The following ABCA13 variants were observed in gnomAD, a reference collection of about 807,000 sequenced individuals.
The protein encoded by ABCA13 is ATP-binding cassette sub-family A member 13.
In ABCA13, 476 loss-of-function variants were observed where a neutral mutation model predicts 478.7. That is an observed-to-expected ratio of 0.99 (90% CI 0.92 to 1.07). ABCA13 has a LOEUF of 1.07. Among genes scored for constraint, ABCA13 ranks in the 50% least tolerant of loss-of-function variants. ABCA13 has a pLI of 0.00. For missense variants in ABCA13, 6,060 were observed against 5,910.6 expected, an observed-to-expected ratio of 1.03 and a Z score of -0.83; for synonymous variants, 2,252 against 2,158.9, an observed-to-expected ratio of 1.04 and a Z score of -1.20.
At chr7:48,633,714 TAAA>T (rs202096204) in intron 59 of ABCA13, among the ~76,000 whole-genome samples, 3 of 134,230 alleles carry the variant, frequency 2.2e-5, no homozygotes, top group Non-Finnish European at 4.8e-5. Flanking sequence ...CTTTCTCTAC[TAAA>T]AAAAAAAAAA....
At chr7:48,392,754 G>A (rs775545934) in intron 38 of ABCA13, among the ~76,000 whole-genome samples, 1 of 152,132 alleles carries the variant, frequency 6.6e-6, no homozygotes, top group Non-Finnish European at 1.5e-5. Flanking sequence ...TAGGCAAGAG[G>A]TGGTGACAGC....
chr7:48,326,376 G>A (rs534511208), intron 27 of ABCA13, among the ~76,000 whole-genome samples: 19 of 152,304 alleles, frequency 1.2e-4, no homozygotes, highest in East Asian at 5.8e-4. Flanking sequence ...ATAACTAGCC[G>A]GCTGTAAATT....
intron 48 of ABCA13, among the ~76,000 whole-genome samples, chr7:48,491,459 A>G (rs1227484976): frequency 2.6e-5 from 4 of 152,154 alleles, no homozygotes; most frequent in African/African-American, 9.7e-5. Flanking sequence ...AAAATGAAAT[A>G]TTTCAGGGTC....
chr7:48,324,338 A>G (rs1013765413), intron 27 of ABCA13, among the ~76,000 whole-genome samples: 1 of 152,186 alleles, frequency 6.6e-6, no homozygotes, highest in Non-Finnish European at 1.5e-5. Flanking sequence ...TATGGATTAG[A>G]GTCCACCCCA....
Position 48,276,067 on chromosome 7 carries a change from C to T in ABCA13, c.6401C>T (p.Ala2134Val). 2 of 1,605,652 alleles carry T rather than the reference C, an allele frequency of 1.2e-6. No homozygotes were observed. The highest frequency in any genetic ancestry group is 1.1e-5 in the South Asian group (1 of 89,842). Reference protein sequence around the residue: ...LVTKNWLQEYANEDYSRMIET... With the variant: ...LVTKNWLQEYVNEDYSRMIET... ...ACAAAAAACTGGCTTCAGGAATATGCAAATGAGGATTACTCCAGAATGATA... is the reference window on the plus strand; with the variant it reads ...ACAAAAAACTGGCTTCAGGAATATGTAAATGAGGATTACTCCAGAATGATA... The change falls in exon 17 of 62, where the codon GCA (alanine) becomes GTA (valine). Residue 2134 changes from alanine (A) to valine (V), a missense_variant. This residue lies in a region of ABCA13 where 4,423 missense variants were observed against 4,309.1 expected (regional missense o/e 1.03). Transcript: ENST00000435803.
At chr7:48,200,960 C>T (rs1447797622) in intron 3 of ABCA13, among the ~76,000 whole-genome samples, 1 of 151,572 alleles carries the variant, frequency 6.6e-6, no homozygotes, top group African/African-American at 2.4e-5. Flanking sequence ...GCAGGTACCC[C>T]AAGTCCAGCG....
Position 48,219,337 on chromosome 7 carries a change from A to G in ABCA13, c.288-17A>G, listed in dbSNP as rs1786995138. 4 of 1,592,830 alleles carry G rather than the reference A, an allele frequency of 2.5e-6. No individual in the cohort carries two copies. The highest frequency in any genetic ancestry group is 1.2e-5 in the South Asian group (1 of 85,874). On this transcript the variant is annotated splice_polypyrimidine_tract_variant and intron_variant, in intron 3 of 61. Transcript: ENST00000435803. ...CTTGTTAAAGAGTTTCACTTGCAGT[A>G]TTTATTCTGTTTAAAGTTTGTCTAG...
At position 48,520,102 on chromosome 7, in the gene ABCA13, T is replaced by A; in HGVS notation, c.13859T>A (p.Leu4620His). 6.2e-7 allele frequency: 1 copy of A among 1,613,692 alleles called. No homozygotes were observed. The highest frequency in any genetic ancestry group is 2.2e-5 in the East Asian group (1 of 44,788). The change falls in exon 53 of 62, where the codon CTT becomes CAT. Residue 4620 changes from leucine to histidine, a missense_variant. By Grantham distance (99) the Leu-to-His change is moderately conservative (BLOSUM62 -3). This residue lies in a region of ABCA13 where 1,627 missense variants were observed against 1,571.0 expected (regional missense o/e 1.04). Transcript: ENST00000435803. Reference sequence around the variant, plus strand: ...TTTACTATTTTTCCTCAATTCTGTCTTGGTCAAGGACTGGTAGAACTCTGC... The same window carrying A: ...TTTACTATTTTTCCTCAATTCTGTCATGGTCAAGGACTGGTAGAACTCTGC... ...WVFTIFPQFC[L>H]GQGLVELCYN...
chr7:48,586,104 A>G (rs1789153207), intron 56 of ABCA13, among the ~76,000 whole-genome samples: 1 of 152,136 alleles, frequency 6.6e-6, no homozygotes. Flanking sequence ...AGGATGTGGG[A>G]CAAGCTGGCA....
intron 3 of ABCA13, among the ~76,000 whole-genome samples, chr7:48,207,357 T>A (rs1417506043): frequency 1.3e-5 from 2 of 152,096 alleles, no homozygotes; most frequent in African/African-American, 4.8e-5. Flanking sequence ...TTATTTCTAG[T>A]TTTTTGAGGA....
At chr7:48,201,670 A>G (rs1387838273) in intron 3 of ABCA13, among the ~76,000 whole-genome samples, 1 of 152,242 alleles carries the variant, frequency 6.6e-6, no homozygotes, top group African/African-American at 2.4e-5. Context: ...CAGTGAGCAG[A>G]GATCGCACCA....
At chr7:48,309,375 T>G (rs1801416245) in intron 23 of ABCA13, among the ~76,000 whole-genome samples, 1 of 152,140 alleles carries the variant, frequency 6.6e-6, no homozygotes, top group South Asian at 2.1e-4. Flanking sequence ...TGTCAAAGCC[T>G]TTAATTGCGA....
Position 48,433,124 on chromosome 7 carries a change from TA to T in ABCA13, c.12565+5263del, listed in dbSNP as rs566850058. On this transcript the variant is annotated intron_variant, in intron 42 of 61. Coordinates refer to ENST00000435803, the MANE Select transcript of ABCA13 (RefSeq NM_152701.5). ...AAACAAATAATAGTTTATGACAGGTTAAAAAAAAAAGAAATAAAATCTACCA... is the reference window on the plus strand; with the variant it reads ...AAACAAATAATAGTTTATGACAGGTTAAAAAAAAAGAAATAAAATCTACCA... Among the ~76,000 whole-genome samples, 506 of 147,732 alleles carry T rather than the reference TA, an allele frequency of 3.4e-3. 2 individuals carry two copies. The highest frequency in any genetic ancestry group is 7.4e-3 in the African/African-American group (302 of 40,544).
In ABCA13 at chr7:48,310,183, T is replaced by C. The variant is rs768408196; in HGVS notation, c.9516+42T>C. 7 of 1,562,372 alleles carry C rather than the reference T, an allele frequency of 4.5e-6. No individual in the cohort carries two copies. The East Asian group carries it at 1.3e-4, about 30-fold the overall frequency. On this transcript the variant is annotated intron_variant, in intron 24 of 61. Coordinates refer to ENST00000435803, the MANE Select transcript of ABCA13 (RefSeq NM_152701.5). Reference sequence around the variant, plus strand: ...GGCTGGGGGCAGTCCTCTGCAGGACTCTGCTGTGGTGGCTGCAGATAAGTA... The same window carrying C: ...GGCTGGGGGCAGTCCTCTGCAGGACCCTGCTGTGGTGGCTGCAGATAAGTA...
chr7:48,179,019 AAT>A (rs1297396781), intron 1 of ABCA13, among the ~76,000 whole-genome samples: 1 of 148,884 alleles, frequency 6.7e-6, no homozygotes, highest in South Asian at 2.1e-4. Context: ...TAATAATAAT[AAT>A]AAAAACAAAG....
At chr7:48,495,927 C>CT (rs982866534) in intron 48 of ABCA13, among the ~76,000 whole-genome samples, 12 of 152,072 alleles carry the variant, frequency 7.9e-5, no homozygotes, top group African/African-American at 2.9e-4. Flanking sequence ...CACTCCTTCT[C>CT]TTTTTCTTTT....
chr7:48,448,509 T>C (rs1481263327), intron 42 of ABCA13, among the ~76,000 whole-genome samples: 1 of 152,244 alleles, frequency 6.6e-6, no homozygotes, highest in East Asian at 1.9e-4. Context: ...ACAAGTGAAA[T>C]ACTAATTTGA....
intron 55 of ABCA13, among the ~76,000 whole-genome samples, chr7:48,566,011 C>A (rs1787020816): frequency 6.6e-6 from 1 of 152,130 alleles, no homozygotes; most frequent in East Asian, 1.9e-4. Flanking sequence ...GTAGAGAATC[C>A]AGCAGTTTGG....
In ABCA13 at chr7:48,239,398, A is replaced by G; in HGVS notation, c.1055A>G (p.Tyr352Cys). 6.2e-7 allele frequency: 1 copy of G among 1,612,468 alleles called. No individual in the cohort carries two copies. The highest frequency in any genetic ancestry group is 8.5e-7 in the Non-Finnish European group (1 of 1,179,026). Residue 352 changes from tyrosine (Y) to cysteine (C), a missense_variant, in exon 9 of 62, where the codon TAC becomes TGC. Around this residue, in one of 3 missense-constraint regions of ABCA13, gnomAD observed 4,423 missense variants for 4,309.1 expected, o/e 1.03. Transcript: ENST00000435803. Reference protein sequence around the residue: ...LVHAVSWLRVYQQVFVQWQQG... With the variant: ...LVHAVSWLRVCQQVFVQWQQG... Reference sequence around the variant, plus strand: ...CATGCAGTCAGCTGGCTGCGAGTCTACCAACAGGTGCTGTCCCCTCTCTCT... The same window carrying G: ...CATGCAGTCAGCTGGCTGCGAGTCTGCCAACAGGTGCTGTCCCCTCTCTCT...
Sources: gnomAD v4.1 joint callset for allele counts (sites outside exome capture counted in the v4.1 genomes callset) on GRCh38, gnomAD v4.1.1 for gene constraint, gnomAD v4.1.1 regional missense constraint, MANE v1.5 for transcripts, NCBI Gene and HGNC (gene_info 2026-07-23, HGNC 2026-07-21) for gene names.